Variants in AKAP6 observed in about 807,000 individuals in gnomAD.
AKAP6 encodes the protein A-kinase anchoring protein 6, also known as A-kinase anchor protein 6.
AKAP6 carries 58 observed loss-of-function variants against 188.5 expected under a neutral mutation model. The ratio of observed to expected loss-of-function variants is 0.31; its 90% CI spans 0.25 to 0.38. The LOEUF is 0.38. AKAP6 is among the 10% of genes least tolerant of loss of function. The pLI is 1.00. For synonymous variants in AKAP6, 989 were observed against 998.6 expected (o/e 0.99, Z 0.18); for missense variants, 2,710 against 2,740.0 (o/e 0.99, Z 0.24).
Position 32,467,183 on chromosome 14 carries a change from A to AC in AKAP6, c.324+33371dup, listed in dbSNP as rs1389949501. ...ACCCATGTAACAAAACTGCACATGA[A>AC]CCCCCGAACCTAAAATAAAAGTTGG... On this transcript the variant is annotated intron_variant, in intron 2 of 13. Coordinates refer to ENST00000280979, the MANE Select transcript of AKAP6 (RefSeq NM_004274.5). 2.7e-5 allele frequency among the ~76,000 whole-genome samples: 4 copies of AC among 150,084 alleles called. No homozygotes were observed. The South Asian group carries it at 8.4e-4, about 32-fold the overall frequency.
intron 2 of AKAP6, among the ~76,000 whole-genome samples, chr14:32,447,949 G>A (rs1890809600): frequency 6.6e-6 from 1 of 152,202 alleles, no homozygotes; most frequent in East Asian, 1.9e-4. Flanking sequence ...CTGTGGTAAG[G>A]ACAGCAAATG....
At chr14:32,686,146 T>C (rs892849470) in intron 8 of AKAP6, among the ~76,000 whole-genome samples, 6 of 152,178 alleles carry the variant, frequency 3.9e-5, no homozygotes, top group African/African-American at 1.4e-4. Context: ...AACGACGTGA[T>C]GGAGCTGGAG....
intron 13 of AKAP6, 25 bp from the exon 14 acceptor site, chr14:32,829,823 C>T: frequency 1.4e-6 from 1 of 689,710 alleles, no homozygotes; most frequent in South Asian, 1.5e-5. Flanking sequence ...GAAACCTTTT[C>T]TTGTCACTTT....
At position 32,441,682 on chromosome 14, in the gene AKAP6, G is replaced by A. The variant is rs1417961596; in HGVS notation, c.324+7865G>A. Among the ~76,000 whole-genome samples the A allele has an allele frequency of 4.6e-5, 7 of 152,154 alleles. No individual in the cohort carries two copies. The East Asian group carries it at 1.2e-3, about 25-fold the overall frequency. On this transcript the variant is annotated intron_variant, in intron 2 of 13. Transcript: ENST00000280979. ...TCGCAGAAGATCTTTGGCTATACAT[G>A]AACCTTAGCCACATGCACTAATGTA...
intron 1 of AKAP6, chr14:32,417,829 G>T (rs1889712723): frequency 6.6e-6 from 1 of 151,952 alleles, no homozygotes; most frequent in Admixed American, 6.6e-5. Context: ...CAGTTTAATT[G>T]AATGCAATCC....
At chr14:32,670,123 A>G (rs1400514244) in intron 7 of AKAP6, among the ~76,000 whole-genome samples, 4 of 151,760 alleles carry the variant, frequency 2.6e-5, no homozygotes, top group African/African-American at 7.3e-5. Context: ...AGCCCCTTAT[A>G]AAACTGTCAG....
At chr14:32,492,273 T>G (rs1199513808) in intron 2 of AKAP6, among the ~76,000 whole-genome samples, 1 of 150,042 alleles carries the variant, frequency 6.7e-6, no homozygotes, top group African/African-American at 2.4e-5. Flanking sequence ...TAGGTGTCCC[T>G]CCTCTTTTTC....
chr14:32,706,495 G>T (rs1161974575), intron 9 of AKAP6, among the ~76,000 whole-genome samples: 1 of 152,064 alleles, frequency 6.6e-6, no homozygotes, highest in Non-Finnish European at 1.5e-5. Context: ...GCCCTCAGAT[G>T]ATTCAACCTC....
chr14:32,821,881 GAGCC>G lies in AKAP6; in HGVS notation c.4071_4074del (p.Ser1357ArgfsTer52). 2.5e-6 allele frequency: 4 copies of G among 1,613,894 alleles called. No homozygotes were observed. Among genetic ancestry groups the G allele is most frequent in the Non-Finnish European group, 3.4e-6 (4 of 1,179,930 alleles). ...CCTGCGCATGTCATGGAGGAGACAT[GAGCC>G]AGAATTCAGGCAGTGAGAGTGGAAT... is the stretch of plus-strand genomic sequence containing the variant. On this transcript the variant is annotated frameshift_variant, in exon 13 of 14. Coordinates refer to ENST00000280979, the MANE Select transcript of AKAP6 (RefSeq NM_004274.5). LOFTEE classifies it high-confidence loss of function.
intron 3 of AKAP6, among the ~76,000 whole-genome samples, chr14:32,536,523 A>G (rs1882686523): frequency 6.6e-6 from 1 of 152,238 alleles, no homozygotes; most frequent in African/African-American, 2.4e-5. Flanking sequence ...TTCTAAATCC[A>G]TATTAAGAGA....
At chr14:32,359,982 C>G (rs1346677961) in intron 1 of AKAP6, among the ~76,000 whole-genome samples, 1 of 152,084 alleles carries the variant, frequency 6.6e-6, no homozygotes, top group African/African-American at 2.4e-5. Flanking sequence ...TCACTGAGTT[C>G]AGTCACACTC....
chr14:32,578,296 A>G (rs547993343), intron 5 of AKAP6, among the ~76,000 whole-genome samples: 35 of 152,310 alleles, frequency 2.3e-4, no homozygotes, highest in African/African-American at 8.4e-4. Context: ...TATATAACAG[A>G]AAAACAGCTT....
intron 2 of AKAP6, among the ~76,000 whole-genome samples, chr14:32,452,895 A>C (rs574819119): frequency 2.1e-4 from 32 of 152,330 alleles, no homozygotes; most frequent in Admixed American, 9.8e-4. Flanking sequence ...AAATTAAATA[A>C]TACATGTAAA....
At chr14:32,348,417 C>CTTTTTTTTTTT (rs71115063) in intron 1 of AKAP6, among the ~76,000 whole-genome samples, 4 of 126,120 alleles carry the variant, frequency 3.2e-5, no homozygotes, top group Admixed American at 8.0e-5. Context: ...TCTTTTGTTT[C>CTTTTTTTTTTT]TTTTTTTTTT....
chr14:32,786,181 A>G (rs73256932), intron 12 of AKAP6, among the ~76,000 whole-genome samples: 7,548 of 151,894 alleles, frequency 0.05, 335 homozygotes, highest in African/African-American at 0.12. Context: ...TTGTTCTGTA[A>G]CCATTTTGGT....
At chr14:32,363,555 A>C (rs1887732363) in intron 1 of AKAP6, among the ~76,000 whole-genome samples, 1 of 152,216 alleles carries the variant, frequency 6.6e-6, no homozygotes, top group African/African-American at 2.4e-5. Context: ...CAAGAGTCCA[A>C]AAGCTGAAGA....
At chr14:32,501,727 G>T (rs1421958793) in intron 2 of AKAP6, among the ~76,000 whole-genome samples, 1 of 152,120 alleles carries the variant, frequency 6.6e-6, no homozygotes, top group Admixed American at 6.6e-5. Flanking sequence ...TAGATGCGAG[G>T]TCTTCACTCT....
At chr14:32,613,828 T>A (rs1886449356) in intron 7 of AKAP6, among the ~76,000 whole-genome samples, 1 of 152,206 alleles carries the variant, frequency 6.6e-6, no homozygotes, top group Admixed American at 6.5e-5. Flanking sequence ...AATGGCAACT[T>A]TCTGGGCACC....
intron 2 of AKAP6, among the ~76,000 whole-genome samples, chr14:32,492,355 T>TATATATATATATATATAGAGAG: frequency 0.014 from 1,175 of 82,396 alleles, 28 homozygotes; most frequent in Non-Finnish European, 0.022. Context: ...TATATATATA[T>TATATATATATATATATAGAGAG]AGAGAGAGAG....
Sources: gnomAD v4.1 joint callset for allele counts (sites outside exome capture counted in the v4.1 genomes callset) on GRCh38, gnomAD v4.1.1 for gene constraint, MANE v1.5 for transcripts, NCBI Gene and HGNC (gene_info 2026-07-23, HGNC 2026-07-21) for gene names.